Variants in SDHAF3 observed in about 807,000 individuals in gnomAD.
SDHAF3 encodes succinate dehydrogenase assembly factor 3, mitochondrial.
Under a neutral mutation model 11.5 loss-of-function variants are expected in SDHAF3, and 18 were observed. The observed-to-expected ratio is 1.56, with a 90% CI of 1.08 to 2.32. The LOEUF (loss-of-function observed/expected upper bound fraction) is 2.32, where lower values mean the gene tolerates loss of function less well. Among genes scored for constraint, SDHAF3 ranks in the 30% most tolerant of loss-of-function variants. The pLI, the probability that SDHAF3 is intolerant of heterozygous loss-of-function variation, is 0.00. For synonymous variants in SDHAF3, 72 were observed against 59.3 expected, an observed-to-expected ratio of 1.21 and a Z score of -0.99; for missense variants, 200 against 154.4, an observed-to-expected ratio of 1.30 and a Z score of -1.57.
At position 97,150,616 on chromosome 7, in the gene SDHAF3, T is replaced by C. The variant is rs1411287300; in HGVS notation, c.175-30396T>C. Among the ~76,000 whole-genome samples the C allele has an allele frequency of 2.1e-5, 3 of 145,580 alleles. No individual in the cohort carries two copies. In the East Asian group the frequency reaches 6.1e-4, roughly 29 times the overall value. On this transcript the variant is annotated intron_variant, in intron 1 of 1. Coordinates refer to ENST00000432641, the MANE Select transcript of SDHAF3 (RefSeq NM_020186.3). ...TCTCGCTCTGTCCCCCAGGCTGGAG[T>C]GCAGTGGCCTGATCTCAGCTCACTG... is the stretch of plus-strand genomic sequence containing the variant.
At chr7:97,165,570 C>A (rs977355418) in intron 1 of SDHAF3, among the ~76,000 whole-genome samples, 5 of 151,918 alleles carry the variant, frequency 3.3e-5, no homozygotes, top group African/African-American at 1.2e-4. Flanking sequence ...AGGAGAAACA[C>A]CTCCAAATAA....
intron 1 of SDHAF3, among the ~76,000 whole-genome samples, chr7:97,158,985 T>A (rs1412275290): frequency 6.6e-6 from 1 of 152,212 alleles, no homozygotes; most frequent in Non-Finnish European, 1.5e-5. Context: ...TTCAATGGTA[T>A]AAGGAAAGTA....
At chr7:97,137,029 T>C (rs1306116678) in intron 1 of SDHAF3, among the ~76,000 whole-genome samples, 1 of 152,190 alleles carries the variant, frequency 6.6e-6, no homozygotes, top group Non-Finnish European at 1.5e-5. Context: ...TTGTTTTGTT[T>C]TGTTTTTGGT....
At chr7:97,136,047 T>C (rs1180228626) in intron 1 of SDHAF3, among the ~76,000 whole-genome samples, 2 of 152,092 alleles carry the variant, frequency 1.3e-5, no homozygotes, top group African/African-American at 4.8e-5. Flanking sequence ...AGGATAGATA[T>C]AAATGTATTT....
chr7:97,151,907 C>G (rs952879393), intron 1 of SDHAF3, among the ~76,000 whole-genome samples: 3 of 152,024 alleles, frequency 2.0e-5, no homozygotes, highest in Non-Finnish European at 2.9e-5. Flanking sequence ...CCCTGCTGTT[C>G]CCCAGTCATG....
At chr7:97,147,464 A>G (rs1789153396) in intron 1 of SDHAF3, among the ~76,000 whole-genome samples, 1 of 152,206 alleles carries the variant, frequency 6.6e-6, no homozygotes, top group Non-Finnish European at 1.5e-5. Flanking sequence ...TTTGAACAAA[A>G]TGCAACCAAA....
At chr7:97,162,548 C>A (rs1379029397) in intron 1 of SDHAF3, among the ~76,000 whole-genome samples, 1 of 152,212 alleles carries the variant, frequency 6.6e-6, no homozygotes, top group Non-Finnish European at 1.5e-5. Flanking sequence ...TTTCCCTCTA[C>A]ACACTGCTTT....
intron 1 of SDHAF3, among the ~76,000 whole-genome samples, chr7:97,177,496 C>T (rs550174141): frequency 1.4e-3 from 217 of 151,354 alleles, no homozygotes; most frequent in African/African-American, 4.8e-3. Context: ...AGCGAGACTC[C>T]GTCTCAAAAA....
chr7:97,175,173 T>C (rs913834700), intron 1 of SDHAF3, among the ~76,000 whole-genome samples: 1 of 152,196 alleles, frequency 6.6e-6, no homozygotes, highest in Non-Finnish European at 1.5e-5. Flanking sequence ...TTCTATTCTT[T>C]AAAAACATCT....
intron 1 of SDHAF3, among the ~76,000 whole-genome samples, chr7:97,158,443 C>A (rs1247408936): frequency 6.6e-6 from 1 of 152,036 alleles, no homozygotes; most frequent in East Asian, 1.9e-4. Context: ...TTCTCATGCC[C>A]CAGCCTCCTG....
intron 1 of SDHAF3, among the ~76,000 whole-genome samples, chr7:97,169,543 A>AG (rs1789572195): frequency 6.6e-6 from 1 of 152,150 alleles, no homozygotes; most frequent in South Asian, 2.1e-4. Flanking sequence ...AAAACATACT[A>AG]ATTTTATTTT....
chr7:97,153,013 T>C (rs1789250259), intron 1 of SDHAF3, among the ~76,000 whole-genome samples: 1 of 152,214 alleles, frequency 6.6e-6, no homozygotes, highest in South Asian at 2.1e-4. Flanking sequence ...TTTACAAAGG[T>C]GATCTAGTCT....
intron 1 of SDHAF3, among the ~76,000 whole-genome samples, chr7:97,121,093 G>A (rs1791484877): frequency 6.6e-6 from 1 of 152,218 alleles, no homozygotes; most frequent in Non-Finnish European, 1.5e-5. Context: ...GAGAATGTAC[G>A]ATAACTGGTT....
intron 1 of SDHAF3, among the ~76,000 whole-genome samples, chr7:97,163,636 A>AT (rs1055289221): frequency 1.3e-5 from 2 of 152,136 alleles, no homozygotes; most frequent in African/African-American, 4.8e-5. Context: ...TAACTGGGCC[A>AT]TTTAGCCCAT....
At chr7:97,164,550 AT>A (rs1789472241) in intron 1 of SDHAF3, among the ~76,000 whole-genome samples, 1 of 151,294 alleles carries the variant, frequency 6.6e-6, no homozygotes, top group Non-Finnish European at 1.5e-5. Flanking sequence ...CCAATTTTGT[AT>A]TTTTAGTAGA....
At chr7:97,142,984 C>G (rs1789077086) in intron 1 of SDHAF3, 1 of 144,998 alleles carries the variant, frequency 6.9e-6, no homozygotes, top group African/African-American at 2.6e-5. Flanking sequence ...GCTGCAACCT[C>G]TGTCTCCTGG....
At chr7:97,126,833 C>T (rs1356209794) in intron 1 of SDHAF3, among the ~76,000 whole-genome samples, 1 of 143,374 alleles carries the variant, frequency 7.0e-6, no homozygotes, top group Non-Finnish European at 1.5e-5. Flanking sequence ...TTCCAGGCAC[C>T]ACTGGAGTAC....
At chr7:97,130,469 C>G (rs1365967874) in intron 1 of SDHAF3, among the ~76,000 whole-genome samples, 3 of 152,278 alleles carry the variant, frequency 2.0e-5, no homozygotes, top group African/African-American at 7.2e-5. Flanking sequence ...CCTAGCTCTT[C>G]TTTTGTAGTC....
At chr7:97,178,304 A>G (rs1373213264) in intron 1 of SDHAF3, among the ~76,000 whole-genome samples, 3 of 152,192 alleles carry the variant, frequency 2.0e-5, no homozygotes, top group African/African-American at 7.2e-5. Flanking sequence ...GCTGGTGGAC[A>G]TCTAGGTTAT....
Sources: allele counts gnomAD v4.1 joint callset (sites outside exome capture counted in the v4.1 genomes callset), GRCh38; gene constraint gnomAD v4.1.1; transcripts MANE v1.5; gene names NCBI Gene and HGNC (gene_info 2026-07-23, HGNC 2026-07-21).